SMARCA2: variants seen among roughly 807,000 people sequenced by gnomAD.
SMARCA2 encodes SWI/SNF related BAF chromatin remodeling complex subunit ATPase 2, also known as SWI/SNF-related matrix-associated actin-dependent regulator of chromatin subfamily A member 2.
Under a neutral mutation model 199.8 loss-of-function variants are expected in SMARCA2, and 61 were observed. The ratio of observed to expected loss-of-function variants is 0.31; its 90% CI spans 0.25 to 0.38. The LOEUF (loss-of-function observed/expected upper bound fraction) is 0.38. SMARCA2 is among the 10% of genes least tolerant of loss of function. The pLI is 1.00. For missense variants in SMARCA2, 1,344 were observed against 2,012.2 expected (o/e 0.67, Z 6.35); for synonymous variants, 935 against 732.0 (o/e 1.28, Z -4.48).
intron 18 of SMARCA2, among the ~76,000 whole-genome samples, chr9:2,088,186 G>T (rs1213356508): frequency 6.6e-6 from 1 of 152,200 alleles, no homozygotes; most frequent in Non-Finnish European, 1.5e-5. Flanking sequence ...TCAGTCTTCA[G>T]TCTGTCTTCA....
Position 2,115,782 on chromosome 9 carries a change from A to C in SMARCA2, c.3457-40A>C. On this transcript the variant is annotated intron_variant, in intron 24 of 33. Coordinates refer to ENST00000349721, the MANE Select transcript of SMARCA2 (RefSeq NM_003070.5). The surrounding 1 kb of genome is among the most constrained non-coding windows in gnomAD (Gnocchi z 6.0). ...GGGTCCGGTTTTGGATGCCTATGCC[A>C]GGCATCTCAGTCCTCATAGCATATT... is the stretch of plus-strand genomic sequence containing the variant. 1 of 1,552,554 alleles carries C rather than the reference A, an allele frequency of 6.4e-7. No homozygotes were observed. The highest frequency in any genetic ancestry group is 2.3e-5 in the East Asian group (1 of 43,846).
chr9:2,122,374 C>T (rs1294380724), intron 26 of SMARCA2, among the ~76,000 whole-genome samples: 2 of 151,980 alleles, frequency 1.3e-5, no homozygotes, highest in East Asian at 1.9e-4. Context: ...GAGGTTGCCT[C>T]ACGAAGCCCC....
At chr9:2,145,556 G>A (rs1272742826) in intron 27 of SMARCA2, among the ~76,000 whole-genome samples, 5 of 152,176 alleles carry the variant, frequency 3.3e-5, no homozygotes, top group African/African-American at 1.2e-4. Flanking sequence ...CAGTAAAGGG[G>A]AGGTGAGGAA....
At chr9:2,035,386 G>T (rs999248958) in intron 3 of SMARCA2, among the ~76,000 whole-genome samples, 1 of 152,112 alleles carries the variant, frequency 6.6e-6, no homozygotes, top group East Asian at 1.9e-4. Flanking sequence ...GATGAGTAAC[G>T]TTTAGTGATT....
intron 27 of SMARCA2, among the ~76,000 whole-genome samples, chr9:2,135,357 C>T (rs1462892571): frequency 6.6e-6 from 1 of 152,132 alleles, no homozygotes; most frequent in Non-Finnish European, 1.5e-5. Flanking sequence ...AAATCTCTTC[C>T]AGAAACAACC....
intron 28 of SMARCA2, among the ~76,000 whole-genome samples, chr9:2,166,188 GCTCT>G (rs1181521115): frequency 6.6e-6 from 1 of 152,170 alleles, no homozygotes; most frequent in Non-Finnish European, 1.5e-5. Context: ...ACTTCACTTT[GCTCT>G]CTGAGTGATG....
chr9:2,036,187 T>C (rs1819323724), intron 3 of SMARCA2, among the ~76,000 whole-genome samples: 1 of 151,936 alleles, frequency 6.6e-6, no homozygotes, highest in Non-Finnish European at 1.5e-5. Flanking sequence ...AGTGTGTGTG[T>C]GTGTGTGTGT....
At chr9:2,188,178 CATATATTA>C (rs1412493376) in intron 32 of SMARCA2, among the ~76,000 whole-genome samples, 3 of 151,982 alleles carry the variant, frequency 2.0e-5, no homozygotes, top group African/African-American at 7.3e-5. Flanking sequence ...TCTACAGCAA[CATATATTA>C]ATATGTATAA....
At chr9:2,146,937 C>T (rs187327439) in intron 27 of SMARCA2, among the ~76,000 whole-genome samples, 4 of 152,128 alleles carry the variant, frequency 2.6e-5, no homozygotes, top group African/African-American at 7.2e-5. Flanking sequence ...TTGTGCTGAC[C>T]TCCCATCTCA....
intron 23 of SMARCA2, among the ~76,000 whole-genome samples, chr9:2,106,491 C>T (rs75876084): frequency 0.02 from 3,100 of 152,204 alleles, 97 homozygotes; most frequent in African/African-American, 0.07. Context: ...GGCATCTTTC[C>T]GTAAGAAACA....
At chr9:2,018,852 C>G (rs1818476623) in intron 1 of SMARCA2, among the ~76,000 whole-genome samples, 1 of 152,240 alleles carries the variant, frequency 6.6e-6, no homozygotes, top group Non-Finnish European at 1.5e-5. Flanking sequence ...AGGGGGGCCA[C>G]AACCAGAAGC....
At chr9:2,172,248 A>AAG (rs397894022) in intron 29 of SMARCA2, among the ~76,000 whole-genome samples, 8 of 151,950 alleles carry the variant, frequency 5.3e-5, no homozygotes, top group Admixed American at 2.6e-4. Context: ...GAAAAAAAAA[A>AAG]TGAATTAAAT....
chr9:2,031,788 C>T (rs1357022440), intron 2 of SMARCA2, among the ~76,000 whole-genome samples: 2 of 152,180 alleles, frequency 1.3e-5, no homozygotes, highest in Admixed American at 6.5e-5. Context: ...AGAGCTCACA[C>T]CTGCTGACCA....
At chr9:2,068,617 A>G (rs904696741) in intron 9 of SMARCA2, among the ~76,000 whole-genome samples, 3 of 152,210 alleles carry the variant, frequency 2.0e-5, no homozygotes, top group African/African-American at 7.2e-5. Flanking sequence ...AACAAAGTTG[A>G]GTTCATATTG....
Position 2,058,303 on chromosome 9 carries a change from A to G in SMARCA2, c.1360A>G (p.Ser454Gly). 6.2e-7 allele frequency: 1 copy of G among 1,613,968 alleles called. No individual in the cohort carries two copies. The highest frequency in any genetic ancestry group is 8.5e-7 in the Non-Finnish European group (1 of 1,179,792). The change falls in exon 8 of 34, where the codon AGT (serine) becomes GGT (glycine). Residue 454 changes from serine to glycine, a missense_variant. Ser to Gly is a moderately conservative substitution (Grantham distance 56, BLOSUM62 0). Around this residue, in one of 18 missense-constraint regions of SMARCA2, gnomAD observed 155 missense variants for 260.0 expected, o/e 0.60. Transcript: ENST00000349721. ...RRQKHQEYLN[S>G]ILQHAKDFKE... ...TTGGATCTTCTAGGAATACCTGAAC[A>G]GTATTTTGCAACATGCAAAAGATTT...
chr9:2,133,026 T>TAATAA (rs1484230510), intron 27 of SMARCA2, among the ~76,000 whole-genome samples: 2 of 152,180 alleles, frequency 1.3e-5, no homozygotes, highest in Non-Finnish European at 2.9e-5. Context: ...TTTTGATTTT[T>TAATAA]AAAACTTTGA....
In SMARCA2 at chr9:2,028,213, T is replaced by C. The variant is rs118132719; in HGVS notation, c.-36-774T>C. 5.1e-4 allele frequency among the ~76,000 whole-genome samples: 78 copies of C among 152,358 alleles called. 1 individual carries two copies. In the East Asian group the frequency reaches 0.014, roughly 27 times the overall value. On this transcript the variant is annotated intron_variant, in intron 1 of 33. Coordinates refer to ENST00000349721, the MANE Select transcript of SMARCA2 (RefSeq NM_003070.5). ...CTGTCTGAGGGGGTCTCTGCTTCAATTAATTAGCTGGCAAGAGGATCACGT... is the reference window on the plus strand; with the variant it reads ...CTGTCTGAGGGGGTCTCTGCTTCAACTAATTAGCTGGCAAGAGGATCACGT...
chr9:2,078,127 G>A (rs1471757956), intron 14 of SMARCA2, among the ~76,000 whole-genome samples: 3 of 152,102 alleles, frequency 2.0e-5, no homozygotes, highest in Non-Finnish European at 4.4e-5. Flanking sequence ...GTTTTATGCC[G>A]TGGATTGAAC....
intron 10 of SMARCA2, among the ~76,000 whole-genome samples, chr9:2,072,639 C>T (rs1821141915): frequency 6.6e-6 from 1 of 152,196 alleles, no homozygotes. Context: ...TAGTTGTTAT[C>T]TGGGAAGTAT....
Sources: gnomAD v4.1 joint callset for allele counts (sites outside exome capture counted in the v4.1 genomes callset) on GRCh38, gnomAD v4.1.1 for gene constraint, gnomAD v4.1.1 regional missense constraint, Gnocchi (gnomAD v3.1) non-coding constraint, MANE v1.5 for transcripts, NCBI Gene and HGNC (gene_info 2026-07-23, HGNC 2026-07-21) for gene names.